Variants in GPC6 observed in about 807,000 individuals in gnomAD.
The protein encoded by GPC6 is glypican 6, also known as glypican-6.
In GPC6, 14 loss-of-function variants were observed where a neutral mutation model predicts 55.2. That is an observed-to-expected ratio of 0.25 (90% CI 0.17 to 0.40). The LOEUF (loss-of-function observed/expected upper bound fraction) is 0.40. GPC6 is among the 10% of genes least tolerant of loss of function. The pLI is 1.00. For synonymous variants in GPC6, 278 were observed against 259.6 expected (o/e 1.07, Z -0.68); for missense variants, 641 against 708.5 (o/e 0.90, Z 1.08).
At chr13:93,234,786 A>C (rs916046471) in intron 1 of GPC6, among the ~76,000 whole-genome samples, 3 of 152,096 alleles carry the variant, frequency 2.0e-5, no homozygotes, top group African/African-American at 7.2e-5. Context: ...TTACCATGGC[A>C]ATAAAAATAC....
chr13:94,109,705 A>G (rs1435959897), intron 4 of GPC6, among the ~76,000 whole-genome samples: 1 of 152,186 alleles, frequency 6.6e-6, no homozygotes, highest in African/African-American at 2.4e-5. Context: ...ATGGACAAAA[A>G]TTCATCATAA....
At chr13:93,592,824 G>A (rs1047500425) in intron 2 of GPC6, among the ~76,000 whole-genome samples, 10 of 152,022 alleles carry the variant, frequency 6.6e-5, no homozygotes, top group Non-Finnish European at 1.3e-4. Context: ...GTCAAATATT[G>A]TTCCAGGAGA....
At chr13:94,140,453 T>C (rs1041737663) in intron 4 of GPC6, among the ~76,000 whole-genome samples, 29 of 152,148 alleles carry the variant, frequency 1.9e-4, no homozygotes, top group Admixed American at 1.0e-3. Flanking sequence ...AAAGAAAAAA[T>C]TATGAAACTC....
At chr13:93,530,346 C>T (rs1384187055) in intron 1 of GPC6, among the ~76,000 whole-genome samples, 1 of 152,194 alleles carries the variant, frequency 6.6e-6, no homozygotes. Flanking sequence ...AATAACTACC[C>T]TATTCTGCTC....
At chr13:94,229,977 A>G (rs1449767848) in intron 4 of GPC6, among the ~76,000 whole-genome samples, 1 of 152,156 alleles carries the variant, frequency 6.6e-6, no homozygotes, top group Non-Finnish European at 1.5e-5. Flanking sequence ...AATGAACAGG[A>G]AGCCAGGGAT....
intron 3 of GPC6, among the ~76,000 whole-genome samples, chr13:93,959,635 TC>T (rs1388367628): frequency 6.6e-6 from 1 of 152,196 alleles, no homozygotes; most frequent in East Asian, 1.9e-4. Context: ...TAAATCTATC[TC>T]TAGACCCTCT....
intron 1 of GPC6, among the ~76,000 whole-genome samples, chr13:93,543,073 T>G (rs1882390043): frequency 2.0e-5 from 3 of 151,910 alleles, no homozygotes; most frequent in Non-Finnish European, 4.4e-5. Context: ...TGAATAGGAG[T>G]GTGAGAGAGG....
At chr13:93,592,360 A>AAAAT (rs1555314426) in intron 2 of GPC6, among the ~76,000 whole-genome samples, 1 of 144,884 alleles carries the variant, frequency 6.9e-6, no homozygotes, top group Non-Finnish European at 1.5e-5. Flanking sequence ...ATATATGTAA[A>AAAAT]ATATATATAT....
At chr13:94,196,820 T>A (rs1462274489) in intron 4 of GPC6, among the ~76,000 whole-genome samples, 1 of 152,210 alleles carries the variant, frequency 6.6e-6, no homozygotes, top group African/African-American at 2.4e-5. Flanking sequence ...TTCAATTTCA[T>A]GTTTGGAACT....
At chr13:93,755,376 T>G (rs998081806) in intron 2 of GPC6, among the ~76,000 whole-genome samples, 1 of 152,154 alleles carries the variant, frequency 6.6e-6, no homozygotes, top group African/African-American at 2.4e-5. Flanking sequence ...TTTTGCCTCC[T>G]ATAGAAGCAG....
chr13:94,160,307 A>T (rs550125165), intron 4 of GPC6, among the ~76,000 whole-genome samples: 1 of 152,372 alleles, frequency 6.6e-6, no homozygotes, highest in African/African-American at 2.4e-5. Context: ...AGTTTCAGGC[A>T]TCCACCAAGG....
chr13:93,355,424 G>GA (rs1354298048), intron 1 of GPC6, among the ~76,000 whole-genome samples: 2 of 152,170 alleles, frequency 1.3e-5, no homozygotes, highest in Non-Finnish European at 2.9e-5. Flanking sequence ...GGTTTTTATG[G>GA]AAAAGGCAGC....
At chr13:93,783,515 T>A (rs1404883386) in intron 2 of GPC6, among the ~76,000 whole-genome samples, 4 of 152,184 alleles carry the variant, frequency 2.6e-5, no homozygotes, top group Non-Finnish European at 5.9e-5. Context: ...TTTTTAATAA[T>A]CGCCATTCTG....
the GPC6 span, among the ~76,000 whole-genome samples, chr13:93,221,468 C>A: frequency 6.6e-6 from 1 of 152,152 alleles, no homozygotes. Context: ...CAAGAAGAAT[C>A]TGCTGCCCCA....
chr13:94,360,968 A>G (rs1301766281), intron 6 of GPC6, among the ~76,000 whole-genome samples: 4 of 152,196 alleles, frequency 2.6e-5, no homozygotes, highest in East Asian at 1.9e-4. Context: ...TGATTAAACA[A>G]TAAGATAGGA....
intron 4 of GPC6, among the ~76,000 whole-genome samples, chr13:94,251,541 T>C (rs2139037883): frequency 6.6e-6 from 1 of 151,948 alleles, no homozygotes. Context: ...ATCCCAGAAC[T>C]TGTGGGTTTG....
intron 3 of GPC6, among the ~76,000 whole-genome samples, chr13:93,906,553 A>G (rs1251359109): frequency 1.3e-5 from 2 of 152,180 alleles, no homozygotes; most frequent in Admixed American, 6.5e-5. Flanking sequence ...TGATAATACC[A>G]TTTTGTATTG....
chr13:93,752,655 G>A (rs1450610193), intron 2 of GPC6, among the ~76,000 whole-genome samples: 1 of 152,078 alleles, frequency 6.6e-6, no homozygotes, highest in Non-Finnish European at 1.5e-5. Context: ...TGTTGAAAGG[G>A]CATCTGTCAG....
At position 93,742,769 on chromosome 13, in the gene GPC6, G is replaced by A. The variant is rs374051174; in HGVS notation, c.320-87385G>A. Among the ~76,000 whole-genome samples, 281 of 152,228 alleles carry A rather than the reference G, an allele frequency of 1.8e-3. 9 individuals are homozygous for A. In the South Asian group the frequency reaches 0.055, roughly 30 times the overall value. On this transcript the variant is annotated intron_variant, in intron 2 of 8. Transcript: ENST00000377047. Reference sequence around the variant, plus strand: ...CAGACTTGGAGAAAATTAATAAAATGGTGACAGAATCAATATTCAAGTGCT... The same window carrying A: ...CAGACTTGGAGAAAATTAATAAAATAGTGACAGAATCAATATTCAAGTGCT...
Sources: gnomAD v4.1 joint callset for allele counts (sites outside exome capture counted in the v4.1 genomes callset) on GRCh38, gnomAD v4.1.1 for gene constraint, MANE v1.5 for transcripts, NCBI Gene and HGNC (gene_info 2026-07-23, HGNC 2026-07-21) for gene names.